Variants in RP1L1 observed in about 807,000 individuals in gnomAD.
The protein encoded by RP1L1 is RP1 like 1.
In RP1L1, 27 loss-of-function variants were observed where a neutral mutation model predicts 15.7. That is an observed-to-expected ratio of 1.72 (90% CI 1.27 to 2.38). The LOEUF is 2.38. Among genes scored for constraint, RP1L1 ranks in the 30% most tolerant of loss-of-function variants. The pLI is 0.00. For synonymous variants in RP1L1, 1,813 were observed against 1,276.7 expected (o/e 1.42, Z -8.96); for missense variants, 4,798 against 3,075.9 (o/e 1.56, Z -13.24).
intron 3 of RP1L1, among the ~76,000 whole-genome samples, chr8:10,613,671 A>G (rs2117208442): frequency 6.6e-6 from 1 of 151,636 alleles, no homozygotes; most frequent in South Asian, 2.1e-4. Flanking sequence ...CTACAGTCCC[A>G]GCTTCCTAGC....
At chr8:10,627,018 T>G (rs1446983530) in intron 1 of RP1L1, among the ~76,000 whole-genome samples, 2 of 152,056 alleles carry the variant, frequency 1.3e-5, no homozygotes, top group African/African-American at 2.4e-5. Flanking sequence ...TGGGGAGAAG[T>G]TGGAACATTG....
chr8:10,614,486 C>A (rs1390301736), intron 3 of RP1L1, among the ~76,000 whole-genome samples: 2 of 151,878 alleles, frequency 1.3e-5, no homozygotes, highest in African/African-American at 4.8e-5. Context: ...ATGGGGAAAC[C>A]CCATCTCTAC....
intron 3 of RP1L1, 145 bp downstream of exon 3, chr8:10,616,301 G>T: frequency 9.8e-7 from 1 of 1,019,154 alleles, no homozygotes; most frequent in Non-Finnish European, 1.5e-6. Flanking sequence ...GGAGGAAGAG[G>T]CAAGAGAGAT....
rs528522828 is a variant in RP1L1, at chr8:10,612,731, G to C, written c.1367C>G (p.Ala456Gly). ...GCCCTCGGGGAGGCCGGTGCTGGAGGCTGGGCTGGCACTGTCCTGGCTGCA... is the reference window on the plus strand; with the variant it reads ...GCCCTCGGGGAGGCCGGTGCTGGAGCCTGGGCTGGCACTGTCCTGGCTGCA... ...ERCSQDSASP[A>G]SSTGLPEGSE... Residue 456 changes from alanine (A) to glycine (G), a missense_variant, in exon 4 of 4, where the codon GCC (alanine) becomes GGC (glycine). Transcript: ENST00000382483. The C allele has an allele frequency of 6.2e-7, 1 of 1,606,430 alleles. No homozygotes were observed. The highest frequency in any genetic ancestry group is 1.1e-5 in the South Asian group (1 of 91,044).
At position 10,608,487 on chromosome 8, in the gene RP1L1, A is replaced by T. The variant is rs759098356; in HGVS notation, c.5611T>A (p.Ser1871Thr). The change falls in exon 4 of 4, where the codon TCA becomes ACA. Residue 1871 changes from serine (S) to threonine (T), a missense_variant. Coordinates refer to ENST00000382483, the MANE Select transcript of RP1L1 (RefSeq NM_178857.6). ...QEAEGEAQPE[S>T]EDVEAPEAEG... ...GCCTCTGGGGCCTCTACATCTTCTG[A>T]CTCTGGCTGGGCCTCCCCTTCAGCC... 2 of 1,570,034 alleles carry T rather than the reference A, an allele frequency of 1.3e-6. No homozygotes were observed. The highest frequency in any genetic ancestry group is 2.3e-5 in the South Asian group (2 of 86,168).
intron 1 of RP1L1, among the ~76,000 whole-genome samples, chr8:10,631,608 C>G (rs905012667): frequency 6.6e-6 from 1 of 152,194 alleles, no homozygotes; most frequent in East Asian, 1.9e-4. Context: ...AGGAGACATC[C>G]GAGGCTTGGC....
rs201017122 is a variant in RP1L1, at chr8:10,608,277, G to C, written c.5821C>G (p.Gln1941Glu). The C allele has an allele frequency of 8.7e-5, 139 of 1,595,160 alleles. 1 individual carries two copies. Among genetic ancestry groups the C allele is most frequent in the Admixed American group, 1.5e-4 (9 of 58,536 alleles). Residue 1941 changes from glutamine (Q) to glutamate (E), a missense_variant, in exon 4 of 4, where the codon CAA becomes GAA. Transcript: ENST00000382483. ...TCCTGGGCCGCCTCTTCTGCCTCTT[G>C]GGCCTCTGCACCTTCTGACTCTGGC... ...DEPESEGAEA[Q>E]EAEEAAQEAE...
Position 10,610,611 on chromosome 8 carries a change from C to T in RP1L1, c.3487G>A (p.Val1163Ile), listed in dbSNP as rs752132792. 1.2e-5 allele frequency: 19 copies of T among 1,613,488 alleles called. No individual in the cohort carries two copies. Among genetic ancestry groups the T allele is most frequent in the East Asian group, 4.5e-5 (2 of 44,896 alleles). ...ISKDLWPGCD[V>I]GEDQLDSGLW... ...CCTGAGTCCAGCTGGTCTTCCCCAA[C>T]GTCACATCCTGGCCACAGGTCCTTC... The change falls in exon 4 of 4, where the codon GTT becomes ATT. Residue 1163 changes from valine to isoleucine, a missense_variant. By Grantham distance (29) the Val-to-Ile change is conservative. Coordinates refer to ENST00000382483, the MANE Select transcript of RP1L1 (RefSeq NM_178857.6).
Position 10,622,283 on chromosome 8 carries a change from G to A in RP1L1, c.609+310C>T, listed in dbSNP as rs142091513. 4.4e-3 allele frequency among the ~76,000 whole-genome samples: 645 copies of A among 146,590 alleles called. 3 individuals are homozygous for A. The highest frequency in any genetic ancestry group is 0.015 in the African/African-American group (591 of 39,714). ...TGCAGTGAGCCGAGATCATGCCATTGTACTGCAGCCTGGGTGACAAAAGTT... is the reference window on the plus strand; with the variant it reads ...TGCAGTGAGCCGAGATCATGCCATTATACTGCAGCCTGGGTGACAAAAGTT... On this transcript the variant is annotated intron_variant, in intron 2 of 3. Coordinates refer to ENST00000382483, the MANE Select transcript of RP1L1 (RefSeq NM_178857.6).
At chr8:10,628,614 G>A (rs1176553751) in intron 1 of RP1L1, among the ~76,000 whole-genome samples, 6 of 152,144 alleles carry the variant, frequency 3.9e-5, no homozygotes, top group African/African-American at 1.4e-4. Flanking sequence ...TGGAGCCCCG[G>A]TGGTATGACT....
rs1468605597 is a variant in RP1L1, at chr8:10,609,016, C to T, written c.5082G>A (p.Gln1694=). Residue 1694 remains glutamine, a synonymous_variant, in exon 4 of 4, where the codon CAG becomes CAA. Transcript: ENST00000382483. The part of the protein sequence containing the change: ...KEAFDLQQIL[Q]RKRGEHTDGE... Reference sequence around the variant, plus strand: ...CATCAGTGTGTTCTCCCCTCTTCCTCTGCAGAATCTGCTGCAGGTCAAAGG... The same window carrying T: ...CATCAGTGTGTTCTCCCCTCTTCCTTTGCAGAATCTGCTGCAGGTCAAAGG... 1 of 1,613,418 alleles carries T rather than the reference C, an allele frequency of 6.2e-7. No homozygotes were observed. Among genetic ancestry groups the T allele is most frequent in the Non-Finnish European group, 8.5e-7 (1 of 1,179,494 alleles).
In RP1L1 at chr8:10,612,591, G is replaced by C. The variant is rs552523617; in HGVS notation, c.1507C>G (p.Pro503Ala). The C allele has an allele frequency of 6.2e-7, 1 of 1,604,222 alleles. No individual in the cohort carries two copies. Among genetic ancestry groups the C allele is most frequent in the Non-Finnish European group, 8.5e-7 (1 of 1,179,462 alleles). ...CCTGCTCCATCTATGCATAGGCCGG[G>C]GTCCTCACCCAGGCTCCCTCCAGCT... Reference protein sequence around the residue: ...RKAGGSLGEDPGLCIDGAGLG... With the variant: ...RKAGGSLGEDAGLCIDGAGLG... Residue 503 changes from proline (P) to alanine (A), a missense_variant, in exon 4 of 4, where the codon CCC (proline) becomes GCC (alanine). Coordinates refer to ENST00000382483, the MANE Select transcript of RP1L1 (RefSeq NM_178857.6).
At position 10,611,434 on chromosome 8, in the gene RP1L1, C is replaced by T. The variant is rs548337582; in HGVS notation, c.2664G>A (p.Pro888=). ...GGCCTGGCTGGCGTGTCCCCTCCTG[C>T]GGGCTCCCACCTGGCCCCCGGGCAG... ...QSTARGPGGS[P]QEGTRQPGPT... The change falls in exon 4 of 4, where the codon CCG becomes CCA. Residue 888 remains proline (P), a synonymous_variant. Transcript: ENST00000382483. 8.2e-5 allele frequency: 130 copies of T among 1,576,524 alleles called. No homozygotes were observed. The highest frequency in any genetic ancestry group is 5.0e-4 in the South Asian group (44 of 87,774).
chr8:10,637,682 G>A (rs1798349834), intron 1 of RP1L1, among the ~76,000 whole-genome samples: 6 of 152,224 alleles, frequency 3.9e-5, no homozygotes, highest in Non-Finnish European at 5.9e-5. Context: ...TAGCTCAGCT[G>A]AGTTTTCCTG....
intron 1 of RP1L1, among the ~76,000 whole-genome samples, chr8:10,623,815 T>C (rs746508884): frequency 9.3e-5 from 14 of 150,640 alleles, no homozygotes; most frequent in Admixed American, 3.3e-4. Context: ...TTGCTGTGAC[T>C]CATTGTCACC....
chr8:10,628,480 A>AC (rs1385922433), intron 1 of RP1L1, among the ~76,000 whole-genome samples: 2 of 151,602 alleles, frequency 1.3e-5, no homozygotes, highest in Non-Finnish European at 2.9e-5. Flanking sequence ...TGCACCCTCC[A>AC]CCCCCAGCCC....
rs1450372679 is a variant in RP1L1, at chr8:10,607,946, T to C, written c.6152A>G (p.Glu2051Gly). The C allele has an allele frequency of 1.2e-6, 2 of 1,612,548 alleles. No individual in the cohort carries two copies. The highest frequency in any genetic ancestry group is 1.7e-6 in the Non-Finnish European group (2 of 1,179,630). ...CTCCGGGGCCTCTACACCGTCTGAC[T>C]CTGGCTGGGCATCCCCTTCTGTCTT... ...TQKTEGDAQPESDGVEAPEAE... is the reference protein window; with the variant it reads ...TQKTEGDAQPGSDGVEAPEAE... Residue 2051 changes from glutamate (E) to glycine (G), a missense_variant, in exon 4 of 4, where the codon GAG (glutamate) becomes GGG (glycine). Transcript: ENST00000382483.
intron 1 of RP1L1, among the ~76,000 whole-genome samples, chr8:10,630,383 T>G (rs1051832458): frequency 1.3e-5 from 2 of 152,232 alleles, no homozygotes; most frequent in Non-Finnish European, 2.9e-5. Context: ...GTTCCAGGAC[T>G]GTTCCTACAC....
In RP1L1 at chr8:10,612,824, C is replaced by T. The variant is rs1338660711; in HGVS notation, c.1274G>A (p.Arg425Lys). The T allele has an allele frequency of 6.2e-7, 1 of 1,612,234 alleles. No individual in the cohort carries two copies. Residue 425 changes from arginine to lysine, a missense_variant, in exon 4 of 4, where the codon AGG becomes AAG. Transcript: ENST00000382483. ...GCGGACGTGCTGGGCCAGTCCCCACCTCTTCCGAGCTGCCACTCTCTCTCC... is the reference window on the plus strand; with the variant it reads ...GCGGACGTGCTGGGCCAGTCCCCACTTCTTCCGAGCTGCCACTCTCTCTCC... The part of the protein sequence containing the change: ...SQGERVAARK[R>K]WGLAQHVRCS...
Sources: gnomAD v4.1 joint callset for allele counts (sites outside exome capture counted in the v4.1 genomes callset) on GRCh38, gnomAD v4.1.1 for gene constraint, MANE v1.5 for transcripts, NCBI Gene and HGNC (gene_info 2026-07-23, HGNC 2026-07-21) for gene names.